The following DCAF12 variants were observed in gnomAD, a reference collection of about 807,000 sequenced individuals.
DCAF12 encodes the protein DDB1 and CUL4 associated factor 12.
DCAF12 carries 28 observed loss-of-function variants against 52.8 expected under a neutral mutation model. The ratio of observed to expected loss-of-function variants is 0.53; its 90% CI spans 0.39 to 0.73. The LOEUF (loss-of-function observed/expected upper bound fraction) is 0.73. DCAF12 is among the 30% of genes least tolerant of loss of function. DCAF12 has a pLI of 0.00. For synonymous variants in DCAF12, 196 were observed against 215.5 expected (o/e 0.91, Z 0.79); for missense variants, 425 against 552.2 (o/e 0.77, Z 2.31).
chr9:34,106,386 C>T, intron 4 of DCAF12, 48 bp downstream of exon 4: 1 of 1,497,154 alleles, frequency 6.7e-7, no homozygotes, highest in Non-Finnish European at 9.2e-7. Context: ...AATCTCTAGC[C>T]CCCAATCCCT....
intron 2 of DCAF12, among the ~76,000 whole-genome samples, chr9:34,118,996 C>G (rs1829131596): frequency 6.6e-6 from 1 of 152,026 alleles, no homozygotes. Flanking sequence ...AATAATATCT[C>G]TCTTATCTCA....
chr9:34,109,840 A>G (rs111826695), intron 2 of DCAF12: 4 of 322,684 alleles, frequency 1.2e-5, no homozygotes, highest in African/African-American at 2.2e-5. Context: ...TCGGAAGCAG[A>G]TGTCTTAGAG....
chr9:34,110,081 G>A (rs543568973), intron 2 of DCAF12: 1 of 151,320 alleles, frequency 6.6e-6, no homozygotes, highest in Non-Finnish European at 1.5e-5. Flanking sequence ...AGAGAGAAAG[G>A]AGTAGCTAGA....
At chr9:34,116,214 G>A (rs780416438) in intron 2 of DCAF12, among the ~76,000 whole-genome samples, 39 of 151,914 alleles carry the variant, frequency 2.6e-4, no homozygotes, top group Non-Finnish European at 4.7e-4. Flanking sequence ...AAAATTAGCC[G>A]GGCATGGTGG....
chr9:34,115,366 C>T (rs1157879569), intron 2 of DCAF12, among the ~76,000 whole-genome samples: 3 of 148,594 alleles, frequency 2.0e-5, no homozygotes, highest in East Asian at 2.0e-4. Context: ...CCGAGGCGGG[C>T]GGATCACGAG....
chr9:34,125,861 G>C (rs1003534402), intron 1 of DCAF12: 4 of 286,326 alleles, frequency 1.4e-5, no homozygotes, highest in African/African-American at 8.7e-5. Context: ...CCCTCCAAAG[G>C]GGGCGGCATA....
chr9:34,103,865 A>G (rs557439581), intron 4 of DCAF12, among the ~76,000 whole-genome samples: 1 of 152,192 alleles, frequency 6.6e-6, no homozygotes, highest in African/African-American at 2.4e-5. Flanking sequence ...TAACAACAAC[A>G]ACGAAAATGT....
intron 6 of DCAF12, 191 bp from the exon 7 acceptor site, chr9:34,093,639 G>A: frequency 1.7e-6 from 1 of 581,644 alleles, no homozygotes; most frequent in South Asian, 2.1e-5. Flanking sequence ...TTAATAAACG[G>A]TAAGACCTAG....
At chr9:34,099,585 T>C (rs921901494) in intron 4 of DCAF12, among the ~76,000 whole-genome samples, 4 of 149,544 alleles carry the variant, frequency 2.7e-5, no homozygotes, top group Non-Finnish European at 6.0e-5. Flanking sequence ...TTTTCTTTTT[T>C]ATTTTTCTTT....
intron 1 of DCAF12, 122 bp downstream of exon 1, chr9:34,126,232 C>A (rs1829248197): frequency 1.6e-6 from 2 of 1,241,942 alleles, no homozygotes; most frequent in Admixed American, 4.1e-5. Context: ...GCCCTGAACC[C>A]ATTCCTGTTT....
At chr9:34,099,678 C>T (rs1288180423) in intron 4 of DCAF12, among the ~76,000 whole-genome samples, 2 of 152,066 alleles carry the variant, frequency 1.3e-5, no homozygotes, top group East Asian at 3.9e-4. Flanking sequence ...ACTGCAACCA[C>T]CACCTCCCGG....
intron 2 of DCAF12, among the ~76,000 whole-genome samples, chr9:34,117,076 C>T (rs953419523): frequency 2.6e-5 from 4 of 152,220 alleles, no homozygotes; most frequent in African/African-American, 9.6e-5. Context: ...AGATGGACTA[C>T]ACTACTAGCT....
intron 2 of DCAF12, among the ~76,000 whole-genome samples, chr9:34,112,015 C>T (rs953362888): frequency 1.3e-5 from 2 of 151,150 alleles, no homozygotes; most frequent in South Asian, 2.1e-4. Flanking sequence ...TGGTGGCGGG[C>T]GCCTGTAATC....
At chr9:34,098,297 G>T (rs764607915) in intron 5 of DCAF12, 27 bp downstream of exon 5, 3 of 1,605,424 alleles carry the variant, frequency 1.9e-6, no homozygotes. Context: ...AGGAATACAC[G>T]TCAGGGATCC....
At chr9:34,114,627 A>T (rs1829055589) in intron 2 of DCAF12, among the ~76,000 whole-genome samples, 1 of 152,088 alleles carries the variant, frequency 6.6e-6, no homozygotes, top group Non-Finnish European at 1.5e-5. Context: ...CTCCACATTA[A>T]CCTACTGGGA....
chr9:34,118,992 A>C (rs1431590334), intron 2 of DCAF12, among the ~76,000 whole-genome samples: 1 of 152,054 alleles, frequency 6.6e-6, no homozygotes, highest in Non-Finnish European at 1.5e-5. Flanking sequence ...TAATAATAAT[A>C]TCTCTCTTAT....
intron 2 of DCAF12, among the ~76,000 whole-genome samples, chr9:34,124,140 C>A (rs1161311687): frequency 6.6e-6 from 1 of 152,114 alleles, no homozygotes; most frequent in African/African-American, 2.4e-5. Context: ...TGATCTAGAG[C>A]AATCTTCTCT....
At position 34,106,499 on chromosome 9, in the gene DCAF12, G is replaced by A. The variant is rs1828906388; in HGVS notation, c.541-5C>T. ...GATCCAGTCCTTGTGTCCATCCTTG[G>A]AGAGCAGGGAGTAACAGGTACAGGG... is the stretch of plus-strand genomic sequence containing the variant. On this transcript the variant is annotated splice_polypyrimidine_tract_variant and splice_region_variant and intron_variant, in intron 3 of 8. Coordinates refer to ENST00000361264, the MANE Select transcript of DCAF12 (RefSeq NM_015397.4). The A allele has an allele frequency of 2.5e-6, 4 of 1,608,456 alleles. No homozygotes were observed. Among genetic ancestry groups the A allele is most frequent in the Non-Finnish European group, 3.4e-6 (4 of 1,176,356 alleles).
Position 34,098,395 on chromosome 9 carries a change from C to T in DCAF12, c.724G>A (p.Asp242Asn), listed in dbSNP as rs1262884325. The T allele has an allele frequency of 6.2e-7, 1 of 1,614,100 alleles. No individual in the cohort carries two copies. Among genetic ancestry groups the T allele is most frequent in the African/African-American group, 1.3e-5 (1 of 74,934 alleles). Residue 242 changes from aspartate (D) to asparagine (N), a missense_variant, in exon 5 of 9, where the codon GAC (aspartate) becomes AAC (asparagine). Physicochemically the swap from Asp to Asn is conservative, Grantham distance 23. This residue lies in a region of DCAF12 where 328 missense variants were observed against 444.4 expected (regional missense o/e 0.74). Transcript: ENST00000361264. ...YAHITHKALK[D>N]IPKEDTNPDN... The stretch of plus-strand genomic sequence containing the variant: ...GGGTTTGTGTCTTCTTTGGGGATGT[C>T]CTTTAAGGCCTTGTGAGTGATGTGT...
Sources: gnomAD v4.1 joint callset for allele counts (sites outside exome capture counted in the v4.1 genomes callset) on GRCh38, gnomAD v4.1.1 for gene constraint, gnomAD v4.1.1 regional missense constraint, MANE v1.5 for transcripts, NCBI Gene and HGNC (gene_info 2026-07-23, HGNC 2026-07-21) for gene names.